Variants in FLNB observed in about 807,000 individuals in gnomAD.
FLNB encodes filamin-B.
A neutral mutation model predicts 250.6 loss-of-function variants in FLNB; 111 were observed. The observed-to-expected ratio is 0.44, with a 90% CI of 0.38 to 0.52. FLNB has a LOEUF of 0.52. Among genes scored for constraint, FLNB ranks in the 20% least tolerant of loss-of-function variants. The pLI is 0.00. For synonymous variants in FLNB, 1,302 were observed against 1,372.1 expected, an observed-to-expected ratio of 0.95 and a Z score of 1.13; for missense variants, 2,869 against 3,447.8, an observed-to-expected ratio of 0.83 and a Z score of 4.20.
At chr3:58,079,064 C>T (rs1015670430) in intron 3 of FLNB, among the ~76,000 whole-genome samples, 1 of 152,168 alleles carries the variant, frequency 6.6e-6, no homozygotes, top group African/African-American at 2.4e-5. Flanking sequence ...TCTTCTTTGT[C>T]ACACACTGGC....
intron 18 of FLNB, among the ~76,000 whole-genome samples, chr3:58,113,823 C>T (rs1466321412): frequency 1.3e-5 from 2 of 152,114 alleles, no homozygotes; most frequent in Non-Finnish European, 2.9e-5. Context: ...GGATTACAGG[C>T]ACATGCCACC....
At chr3:58,047,186 A>G (rs1479694198) in intron 1 of FLNB, among the ~76,000 whole-genome samples, 2 of 152,226 alleles carry the variant, frequency 1.3e-5, no homozygotes, top group African/African-American at 4.8e-5. Context: ...TTTCTGGAAG[A>G]AAGTGTGTTT....
chr3:58,134,537 T>TA, intron 26 of FLNB, 79 bp from the exon 27 acceptor site: 1 of 1,523,802 alleles, frequency 6.6e-7, no homozygotes, highest in Non-Finnish European at 9.1e-7. Context: ...ATCCCACTCT[T>TA]ATGTGTAAGA....
In FLNB at chr3:58,150,157, C is replaced by T; in HGVS notation, c.6297C>T (p.Ile2099=). The T allele has an allele frequency of 6.2e-7, 1 of 1,614,236 alleles. No homozygotes were observed. The highest frequency in any genetic ancestry group is 1.6e-4 in the Middle Eastern group (1 of 6,062). The change falls in exon 38 of 46, where the codon ATC becomes ATT. Residue 2099 remains isoleucine, a synonymous_variant. Coordinates refer to ENST00000295956, the MANE Select transcript of FLNB (RefSeq NM_001457.4). ...ISGEGRVKES[I]TRTSRAPSVA... is the part of the protein sequence containing the mutation. Reference sequence around the variant, plus strand: ...GGGAGGGAAGAGTCAAAGAGAGCATCACCCGCACCAGTCGGGCCCCGTCCG... The same window carrying T: ...GGGAGGGAAGAGTCAAAGAGAGCATTACCCGCACCAGTCGGGCCCCGTCCG...
chr3:58,067,594 T>TTTTTTTG, intron 1 of FLNB, among the ~76,000 whole-genome samples: 1 of 42,332 alleles, frequency 2.4e-5, no homozygotes, highest in Non-Finnish European at 4.5e-5. Context: ...TGTTTTTTTG[T>TTTTTTTG]TTTTTTTTTG....
intron 1 of FLNB, among the ~76,000 whole-genome samples, chr3:58,045,662 G>T (rs1416120085): frequency 2.0e-5 from 3 of 152,070 alleles, no homozygotes; most frequent in Non-Finnish European, 4.4e-5. Context: ...ATTCTCTTAA[G>T]CTCACGAAAG....
chr3:58,012,491 C>T (rs1027656974), intron 1 of FLNB, among the ~76,000 whole-genome samples: 6 of 152,114 alleles, frequency 3.9e-5, no homozygotes, highest in Admixed American at 6.6e-5. Context: ...GAGTAAAATA[C>T]AGCTTTTCTC....
intron 1 of FLNB, among the ~76,000 whole-genome samples, chr3:58,009,245 C>T (rs1017166378): frequency 6.6e-6 from 1 of 152,198 alleles, no homozygotes; most frequent in African/African-American, 2.4e-5. Context: ...CCGCGGAGTG[C>T]TCTCCCTGCT....
chr3:58,048,742 G>A (rs761867398), intron 1 of FLNB, among the ~76,000 whole-genome samples: 1 of 152,174 alleles, frequency 6.6e-6, no homozygotes, highest in Non-Finnish European at 1.5e-5. Context: ...GAACTGTTTT[G>A]GGAAAAATAA....
At chr3:58,101,354 A>C (rs1334889346) in intron 8 of FLNB, among the ~76,000 whole-genome samples, 1 of 152,174 alleles carries the variant, frequency 6.6e-6, no homozygotes, top group East Asian at 1.9e-4. Context: ...CATTTTCCCC[A>C]CTAGTCTCCC....
intron 1 of FLNB, among the ~76,000 whole-genome samples, chr3:58,057,877 G>A (rs1169482972): frequency 1.3e-5 from 2 of 151,746 alleles, no homozygotes; most frequent in Non-Finnish European, 2.9e-5. Flanking sequence ...CACAACCTCC[G>A]CCTCCCAGGT....
At chr3:58,138,172 T>C (rs2097319791) in intron 28 of FLNB, 110 bp from the exon 29 acceptor site, 18 of 1,430,280 alleles carry the variant, frequency 1.3e-5, no homozygotes, top group Non-Finnish European at 1.8e-5. Flanking sequence ...TGGCAGCAGT[T>C]GGAGGCCTAA....
chr3:58,071,502 C>G (rs1156318464), intron 1 of FLNB, among the ~76,000 whole-genome samples: 7 of 152,010 alleles, frequency 4.6e-5, no homozygotes, highest in African/African-American at 1.7e-4. Context: ...TGGCCTCGAA[C>G]TCCTGACCCC....
rs746105983 is a variant in FLNB at position 58,104,060 on chromosome 3, T to TG, written c.1592dup (p.His532ThrfsTer9). 8.7e-6 allele frequency: 14 copies of TG among 1,613,538 alleles called. No homozygotes were observed. Among genetic ancestry groups the TG allele is most frequent in the African/African-American group, 1.3e-5 (1 of 74,820 alleles). ...GGGGAGATACAGCATTGCCATCACATGGGGGGGACACCACATTCCAAAGAG... is the reference window on the plus strand; with the variant it reads ...GGGGAGATACAGCATTGCCATCACATGGGGGGGGACACCACATTCCAAAGAG... On this transcript the variant is annotated frameshift_variant, in exon 10 of 46. Coordinates refer to ENST00000295956, the MANE Select transcript of FLNB (RefSeq NM_001457.4). LOFTEE classifies it high-confidence loss of function.
chr3:58,075,149 G>A (rs1160783304), intron 1 of FLNB, among the ~76,000 whole-genome samples: 4 of 151,954 alleles, frequency 2.6e-5, no homozygotes, highest in Admixed American at 6.6e-5. Context: ...TCATGTGGTC[G>A]TGGTTGGGTT....
intron 28 of FLNB, 62 bp downstream of exon 28, chr3:58,136,230 G>C (rs1205737407): frequency 6.5e-7 from 1 of 1,541,800 alleles, no homozygotes; most frequent in African/African-American, 1.4e-5. Flanking sequence ...CCGGGCCGTA[G>C]CCCTTCTCTG....
In FLNB at chr3:58,132,824, G is replaced by A. The variant is rs1329947457; in HGVS notation, c.4407G>A (p.Val1469=). 1 of 1,614,142 alleles carries A rather than the reference G, an allele frequency of 6.2e-7. No individual in the cohort carries two copies. Among genetic ancestry groups the A allele is most frequent in the African/African-American group, 1.3e-5 (1 of 75,032 alleles). Residue 1469 remains valine, a synonymous_variant, in exon 26 of 46, where the codon GTG becomes GTA. Coordinates refer to ENST00000295956, the MANE Select transcript of FLNB (RefSeq NM_001457.4). ...TGTCCTCAGGCTTGGTGGAGCCAGTGAACGTGGTGGACAATGGAGATGGCA... is the reference window on the plus strand; with the variant it reads ...TGTCCTCAGGCTTGGTGGAGCCAGTAAACGTGGTGGACAATGGAGATGGCA... ...VLGPRGLVEP[V]NVVDNGDGTH...
At chr3:58,138,763 G>A (rs1464200352) in intron 29 of FLNB, among the ~76,000 whole-genome samples, 1 of 152,200 alleles carries the variant, frequency 6.6e-6, no homozygotes, top group East Asian at 1.9e-4. Context: ...ATCATAATAA[G>A]GGACTTGGGC....
At chr3:58,073,631 G>A (rs2097197754) in intron 1 of FLNB, among the ~76,000 whole-genome samples, 1 of 143,688 alleles carries the variant, frequency 7.0e-6, no homozygotes, top group Non-Finnish European at 1.5e-5. Context: ...CTTATTCATT[G>A]TCTCACAGTT....
Sources: gnomAD v4.1 joint callset for allele counts (sites outside exome capture counted in the v4.1 genomes callset) on GRCh38, gnomAD v4.1.1 for gene constraint, MANE v1.5 for transcripts, NCBI Gene and HGNC (gene_info 2026-07-23, HGNC 2026-07-21) for gene names.